Variants in GLIS3 observed in about 807,000 individuals in gnomAD.
GLIS3 encodes zinc finger protein GLIS3.
Under a neutral mutation model 78.6 loss-of-function variants are expected in GLIS3, and 53 were observed. The observed-to-expected ratio is 0.67, with a 90% confidence interval of 0.54 to 0.85. The LOEUF (loss-of-function observed/expected upper bound fraction) is 0.85, where lower values mean the gene tolerates loss of function less well. Ranked by LOEUF, GLIS3 falls within the 40% of genes least tolerant of loss-of-function variation. GLIS3 has a pLI of 0.00. For missense variants in GLIS3, 1,703 were observed against 1,231.1 expected (o/e 1.38, Z -5.74); for synonymous variants, 684 against 509.9 (o/e 1.34, Z -4.60).
At chr9:4,177,655 G>C (rs931034110) in intron 2 of GLIS3, among the ~76,000 whole-genome samples, 1 of 152,164 alleles carries the variant, frequency 6.6e-6, no homozygotes, top group Non-Finnish European at 1.5e-5. Flanking sequence ...CTTTCCCAGG[G>C]TGTAAAAAGA....
At chr9:4,351,600 C>A (rs1396728437), upstream of GLIS3, among the ~76,000 whole-genome samples, 1 of 152,002 alleles carries the variant, frequency 6.6e-6, no homozygotes, top group Non-Finnish European at 1.5e-5. Context: ...GTGAAATTTT[C>A]ATGGGCAAAA....
At chr9:3,995,351 C>T (rs1820659999) in intron 4 of GLIS3, among the ~76,000 whole-genome samples, 1 of 152,020 alleles carries the variant, frequency 6.6e-6, no homozygotes, top group Admixed American at 6.6e-5. Context: ...GACAACTACT[C>T]CATGGAAGAA....
At chr9:3,877,021 C>A (rs866399202) in intron 8 of GLIS3, among the ~76,000 whole-genome samples, 2 of 151,874 alleles carry the variant, frequency 1.3e-5, no homozygotes, top group African/African-American at 4.8e-5. Flanking sequence ...TTAAAGGCTG[C>A]GTACAAAAAG....
At chr9:4,302,901 G>T (rs1817127709), upstream of GLIS3, among the ~76,000 whole-genome samples, 1 of 152,152 alleles carries the variant, frequency 6.6e-6, no homozygotes, top group South Asian at 2.1e-4. Context: ...GGACTTCAAA[G>T]AATGAGTAGA....
At chr9:4,358,848 A>G in the GLIS3 span, among the ~76,000 whole-genome samples, 9 of 152,206 alleles carry the variant, frequency 5.9e-5, no homozygotes. Context: ...AAATCTTAGT[A>G]ATGACCAGAG....
At chr9:3,965,473 C>T (rs10974263) in intron 4 of GLIS3, among the ~76,000 whole-genome samples, 3 of 152,244 alleles carry the variant, frequency 2.0e-5, no homozygotes, top group African/African-American at 4.8e-5. Context: ...GGATTACAGG[C>T]GTGAGCCACC....
chr9:4,173,593 CACACACACAT>C (rs778317854), intron 2 of GLIS3, among the ~76,000 whole-genome samples: 34 of 104,674 alleles, frequency 3.2e-4, no homozygotes, highest in African/African-American at 5.8e-4. Context: ...CACACACACA[CACACACACAT>C]ATATATGTTT....
chr9:3,873,321 TA>T (rs1168739255), intron 8 of GLIS3, among the ~76,000 whole-genome samples: 3 of 152,078 alleles, frequency 2.0e-5, no homozygotes, highest in Non-Finnish European at 4.4e-5. Flanking sequence ...ATATCCCTGA[TA>T]AACAGAGACA....
At chr9:4,151,409 C>G (rs972010684) in intron 2 of GLIS3, among the ~76,000 whole-genome samples, 1 of 152,230 alleles carries the variant, frequency 6.6e-6, no homozygotes, top group Non-Finnish European at 1.5e-5. Context: ...CCTGCTTATT[C>G]ATCCACCAAA....
At chr9:4,189,501 C>T (rs1426555903) in intron 2 of GLIS3, among the ~76,000 whole-genome samples, 11 of 152,118 alleles carry the variant, frequency 7.2e-5, no homozygotes, top group Admixed American at 6.5e-5. Flanking sequence ...CTGTAGATGT[C>T]TATTAGGTCT....
rs1023793342 is a variant in GLIS3, at chr9:3,986,529, A to G, written c.1711-49340T>C. ...TTCTTCCCCAGTTCCATTTGTACCAATGAGTTCTCAATTCATATAAGCTAT... is the reference window on the plus strand; with the variant it reads ...TTCTTCCCCAGTTCCATTTGTACCAGTGAGTTCTCAATTCATATAAGCTAT... On this transcript the variant is annotated intron_variant, in intron 4 of 10. Transcript: ENST00000381971. 9.8e-5 allele frequency among the ~76,000 whole-genome samples: 15 copies of G among 152,336 alleles called. No homozygotes were observed. The East Asian group carries it at 2.1e-3, about 22-fold the overall frequency.
rs138343155 is a variant in GLIS3 at position 3,964,099 on chromosome 9, G to A, written c.1711-26910C>T. ...ACAGACACCGAGAGAGTGCTGGGCT[G>A]CAAAGTATCATTGCTGGCCCAAGCC... On this transcript the variant is annotated intron_variant, in intron 4 of 10. Coordinates refer to ENST00000381971, the MANE Select transcript of GLIS3 (RefSeq NM_001042413.2). Among the ~76,000 whole-genome samples, 1,186 of 152,188 alleles carry A rather than the reference G, an allele frequency of 7.8e-3. 8 individuals carry two copies. The highest frequency in any genetic ancestry group is 0.013 in the Non-Finnish European group (883 of 68,002).
chr9:4,354,636 G>A, the GLIS3 span, among the ~76,000 whole-genome samples: 1 of 152,072 alleles, frequency 6.6e-6, no homozygotes, highest in Admixed American at 6.5e-5. Flanking sequence ...ACTATTCAAG[G>A]GGCTTTCTCG....
At chr9:4,462,845 A>C in the GLIS3 span, among the ~76,000 whole-genome samples, 1 of 152,214 alleles carries the variant, frequency 6.6e-6, no homozygotes, top group African/African-American at 2.4e-5. Flanking sequence ...CTGGTCCTTC[A>C]TCCCAAATCG....
At chr9:4,156,908 A>G (rs1212202063) in intron 2 of GLIS3, among the ~76,000 whole-genome samples, 4 of 152,148 alleles carry the variant, frequency 2.6e-5, no homozygotes, top group African/African-American at 4.8e-5. Context: ...ATCATCCTGG[A>G]GCTTGTCAGA....
At chr9:4,361,896 G>A in the GLIS3 span, among the ~76,000 whole-genome samples, 1 of 152,188 alleles carries the variant, frequency 6.6e-6, no homozygotes, top group East Asian at 1.9e-4. Context: ...AAGTTTGTAT[G>A]TTGTTTTTGC....
chr9:4,291,843 A>G (rs577556867), intron 1 of GLIS3, among the ~76,000 whole-genome samples: 10 of 152,266 alleles, frequency 6.6e-5, no homozygotes, highest in African/African-American at 2.4e-4. Flanking sequence ...GTGCATCTAT[A>G]TAACTTTCAT....
At chr9:4,165,987 G>A (rs956512244) in intron 2 of GLIS3, among the ~76,000 whole-genome samples, 2 of 152,154 alleles carry the variant, frequency 1.3e-5, no homozygotes, top group African/African-American at 4.8e-5. Flanking sequence ...AAGGGGAACA[G>A]AGCACAATAT....
chr9:4,280,925 A>T (rs10974432), intron 2 of GLIS3, among the ~76,000 whole-genome samples: 53,220 of 151,864 alleles, frequency 0.35, 9,546 homozygotes, highest in Admixed American at 0.41. Context: ...AAACTCCTAC[A>T]ACAAAAGTTC....
Sources: allele counts gnomAD v4.1 joint callset (sites outside exome capture counted in the v4.1 genomes callset), GRCh38; gene constraint gnomAD v4.1.1; transcripts MANE v1.5; gene names NCBI Gene and HGNC (gene_info 2026-07-23, HGNC 2026-07-21).